Variants in MED16 observed in about 807,000 individuals in gnomAD.
MED16 encodes mediator of RNA polymerase II transcription subunit 16.
Under a neutral mutation model 84.4 loss-of-function variants are expected in MED16, and 81 were observed. That is an observed-to-expected ratio of 0.96 (90% confidence interval 0.80 to 1.15). The LOEUF (loss-of-function observed/expected upper bound fraction) is 1.15, where lower values mean the gene tolerates loss of function less well. Among genes scored for constraint, MED16 ranks in the 50% most tolerant of loss-of-function variants. MED16 has a pLI of 0.00. For missense variants in MED16, 1,585 were observed against 1,245.9 expected, an observed-to-expected ratio of 1.27 and a Z score of -4.10; for synonymous variants, 897 against 552.2, an observed-to-expected ratio of 1.62 and a Z score of -8.76.
chr19:886,240 C>A (rs1176975794), intron 4 of MED16, 39 bp from the exon 5 acceptor site: 5 of 1,465,304 alleles, frequency 3.4e-6, no homozygotes, highest in Non-Finnish European at 3.6e-6. Context: ...GCCGCTCAGG[C>A]TCATGGGGGC....
intron 6 of MED16, among the ~76,000 whole-genome samples, chr19:883,778 G>A (rs991059794): frequency 6.6e-6 from 1 of 152,104 alleles, no homozygotes; most frequent in Admixed American, 6.5e-5. Flanking sequence ...ACGGGGTGGC[G>A]CCAGGTGCTG....
intron 9 of MED16, among the ~76,000 whole-genome samples, chr19:876,766 ACCT>A (rs1373115398): frequency 2.6e-5 from 4 of 151,542 alleles, no homozygotes; most frequent in African/African-American, 9.7e-5. Context: ...TGCTGCAGAG[ACCT>A]CCTCCACCCT....
At chr19:891,874 G>A (rs111513773) in intron 1 of MED16, among the ~76,000 whole-genome samples, 1 of 133,824 alleles carries the variant, frequency 7.5e-6, no homozygotes, top group Non-Finnish European at 1.6e-5. Flanking sequence ...ACCTGTGGCC[G>A]AGGCGGGGGC....
chr19:889,151 TCCC>T lies in MED16; in HGVS notation c.447+484_447+486del, dbSNP rs376971044. Among the ~76,000 whole-genome samples, 34 of 84,648 alleles carry T rather than the reference TCCC, an allele frequency of 4.0e-4. No individual in the cohort carries two copies. The South Asian group carries it at 6.0e-3, about 15-fold the overall frequency. The allele number at this position is 84,648 out of a possible 152,430, so 55.5% of individuals were successfully genotyped here. A position where few individuals can be genotyped will look rare whatever the true frequency, so the allele number is the denominator to read the frequency against. Reference sequence around the variant, plus strand: ...CCCTGGCCACGCCTACTCTTAACTGTCCCCCCCAACCCTGGCCACGCCTATCTT... The same window carrying T: ...CCCTGGCCACGCCTACTCTTAACTGTCCCCAACCCTGGCCACGCCTATCTT... On this transcript the variant is annotated intron_variant, in intron 4 of 15. Coordinates refer to ENST00000325464, the MANE Select transcript of MED16 (RefSeq NM_005481.3).
intron 9 of MED16, among the ~76,000 whole-genome samples, chr19:876,260 G>A (rs902040687): frequency 2.0e-5 from 3 of 152,136 alleles, no homozygotes; most frequent in Non-Finnish European, 2.9e-5. Flanking sequence ...GGTCCTTCGA[G>A]GACACTCTGG....
chr19:881,413 A>G (rs2365702), intron 7 of MED16, 146 bp downstream of exon 7: 597,290 of 870,068 alleles, frequency 0.69, 207,708 homozygotes, highest in African/African-American at 0.87. Flanking sequence ...CAGAACCCAG[A>G]AGGCTGAGCT....
intron 6 of MED16, among the ~76,000 whole-genome samples, chr19:882,690 G>C (rs1369512796): frequency 6.6e-6 from 1 of 152,242 alleles, no homozygotes; most frequent in Non-Finnish European, 1.5e-5. Context: ...GGAACCAGGA[G>C]AGCGCAGCTG....
chr19:873,158 G>C (rs1476516133), intron 11 of MED16: 1 of 391,256 alleles, frequency 2.6e-6, no homozygotes, highest in Non-Finnish European at 4.1e-6. Context: ...GCAGGGCTAG[G>C]AAGTGGGGCA....
chr19:874,029 G>T (rs1030660291), intron 10 of MED16, among the ~76,000 whole-genome samples: 1 of 152,192 alleles, frequency 6.6e-6, no homozygotes, highest in South Asian at 2.1e-4. Flanking sequence ...TGGTCCCACA[G>T]AACTAACCAT....
At chr19:877,823 G>C (rs12979761) in intron 8 of MED16, among the ~76,000 whole-genome samples, 71 of 18,076 alleles carry the variant, frequency 3.9e-3, no homozygotes, top group African/African-American at 4.8e-3. Flanking sequence ...TCGCCTTCCC[G>C]TGGTTGTCAA....
At position 888,884 on chromosome 19, in the gene MED16, C is replaced by G. The variant is rs182671604; in HGVS notation, c.447+754G>C. 2.0e-4 allele frequency among the ~76,000 whole-genome samples: 31 copies of G among 152,214 alleles called. No homozygotes were observed. In the East Asian group the frequency reaches 6.0e-3, roughly 29 times the overall value. On this transcript the variant is annotated intron_variant, in intron 4 of 15. Coordinates refer to ENST00000325464, the MANE Select transcript of MED16 (RefSeq NM_005481.3). ...AGGCCTCCTAGTTCCTGCGAGAGCC[C>G]CAGCACAAGCAGACGCACAGAGGCA...
In MED16 at chr19:871,189, G is replaced by C. The variant is rs35361724; in HGVS notation, c.2163C>G (p.Pro721=). ...CCAGGCTGGGGATAAGCAGCTGGCT[G>C]GGCAGCAGGCAGCATTCATCCACCA... The part of the protein sequence containing the change: ...EALVDECCLL[P]SQLLIPSLDW... Residue 721 remains proline, a synonymous_variant, in exon 13 of 16, where the codon CCC becomes CCG. Coordinates refer to ENST00000325464, the MANE Select transcript of MED16 (RefSeq NM_005481.3). 6.5e-7 allele frequency: 1 copy of C among 1,550,154 alleles called. No individual in the cohort carries two copies. Among genetic ancestry groups the C allele is most frequent in the South Asian group, 1.2e-5 (1 of 84,170 alleles).
chr19:876,863 G>GACC, intron 9 of MED16, 111 bp downstream of exon 9: 4 of 887,896 alleles, frequency 4.5e-6, no homozygotes, highest in Non-Finnish European at 6.1e-6. Context: ...CCTGGCACGG[G>GACC]ACCACCTGCC....
rs752851484 is a variant in MED16, at chr19:881,714, A to G, written c.986T>C (p.Val329Ala). The G allele has an allele frequency of 1.2e-6, 2 of 1,608,718 alleles. No individual in the cohort carries two copies. Among genetic ancestry groups the G allele is most frequent in the Admixed American group, 3.3e-5 (2 of 59,868 alleles). The change falls in exon 7 of 16, where the codon GTT becomes GCT. Residue 329 changes from valine to alanine, a missense_variant and splice_region_variant. By Grantham distance (64) the Val-to-Ala change is moderately conservative. Transcript: ENST00000325464. ...NNIFQQISPVVGDKQPTILKW... is the reference protein window; with the variant it reads ...NNIFQQISPVAGDKQPTILKW... ...GAGAATTGTGGGCTGTTTGTCGCCA[A>G]CTGAAAAATCAGGGGCAGGAAAACA...
chr19:871,317 C>G, intron 12 of MED16, 64 bp from the exon 13 acceptor site: 3 of 1,459,354 alleles, frequency 2.1e-6, no homozygotes, highest in Non-Finnish European at 2.8e-6. Flanking sequence ...CCACCCGGGA[C>G]GTGCTGGGAG....
chr19:890,705 G>A (rs761164484), intron 2 of MED16, among the ~76,000 whole-genome samples: 14 of 152,188 alleles, frequency 9.2e-5, no homozygotes, highest in South Asian at 4.1e-4. Flanking sequence ...ACAAGCCTCC[G>A]TCAACCAACG....
chr19:880,015 C>A lies in MED16; in HGVS notation c.1275G>T (p.Ala425=). 8.1e-6 allele frequency: 13 copies of A among 1,610,282 alleles called. No individual in the cohort carries two copies. The highest frequency in any genetic ancestry group is 1.0e-5 in the Non-Finnish European group (12 of 1,178,796). The change falls in exon 8 of 16, where the codon GCG becomes GCT. Residue 425 remains alanine (A), a synonymous_variant. Transcript: ENST00000325464. Reference sequence around the variant, plus strand: ...TAGCCTTTAAGTGGACGGCGGGGCCCGCGGTGCGGGGGCGCTTCATGGCCG... The same window carrying A: ...TAGCCTTTAAGTGGACGGCGGGGCCAGCGGTGCGGGGGCGCTTCATGGCCG... The part of the protein sequence containing the change: ...DEPAMKRPRT[A]GPAVHLKAMQ...
chr19:868,637 G>A (rs746879332), intron 14 of MED16, 138 bp from the exon 15 acceptor site: 10 of 1,252,150 alleles, frequency 8.0e-6, no homozygotes, highest in Non-Finnish European at 1.1e-5. Context: ...CCTGCCACAG[G>A]GCCTCTGCCC....
At chr19:883,126 C>T (rs1474987653) in intron 6 of MED16, among the ~76,000 whole-genome samples, 2 of 152,200 alleles carry the variant, frequency 1.3e-5, no homozygotes, top group Non-Finnish European at 2.9e-5. Context: ...CTGACGGCTG[C>T]GGTCAGCATT....
Sources: allele counts gnomAD v4.1 joint callset (sites outside exome capture counted in the v4.1 genomes callset), GRCh38; gene constraint gnomAD v4.1.1; transcripts MANE v1.5; gene names NCBI Gene and HGNC (gene_info 2026-07-23, HGNC 2026-07-21).